Variants in LTBP1 observed in about 807,000 individuals in gnomAD.
LTBP1 encodes latent transforming growth factor beta binding protein 1.
In LTBP1, 129 loss-of-function variants were observed where a neutral mutation model predicts 207.6. The observed-to-expected ratio is 0.62, with a 90% CI of 0.54 to 0.72. The LOEUF is 0.72. Ranked by LOEUF, LTBP1 falls within the 30% of genes least tolerant of loss-of-function variation. The pLI, the probability that LTBP1 is intolerant of heterozygous loss-of-function variation, is 0.00. For missense variants in LTBP1, 2,281 were observed against 2,217.2 expected (o/e 1.03, Z -0.58); for synonymous variants, 963 against 833.7 (o/e 1.16, Z -2.67).
At chr2:33,153,937 A>C (rs1260450119) in intron 5 of LTBP1, among the ~76,000 whole-genome samples, 1 of 152,102 alleles carries the variant, frequency 6.6e-6, no homozygotes, top group African/African-American at 2.4e-5. Flanking sequence ...TTGGGGTTTT[A>C]TTCCCCCAGC....
At position 33,234,904 on chromosome 2, in the gene LTBP1, A is replaced by G. The variant is rs535487130; in HGVS notation, c.1877-8758A>G. Reference sequence around the variant, plus strand: ...CACATTATACAAAAATTAACTCAAGATGGATGAAAGACTTAAATGTAAGAC... The same window carrying G: ...CACATTATACAAAAATTAACTCAAGGTGGATGAAAGACTTAAATGTAAGAC... On this transcript the variant is annotated intron_variant, in intron 9 of 33. Coordinates refer to ENST00000404816, the MANE Select transcript of LTBP1 (RefSeq NM_206943.4). 4.0e-4 allele frequency among the ~76,000 whole-genome samples: 61 copies of G among 152,292 alleles called. No homozygotes were observed. In the East Asian group the frequency reaches 0.011, roughly 28 times the overall value.
At chr2:33,114,394 T>C (rs1020360495) in intron 4 of LTBP1, among the ~76,000 whole-genome samples, 2 of 152,148 alleles carry the variant, frequency 1.3e-5, no homozygotes, top group African/African-American at 2.4e-5. Flanking sequence ...GGTGGCTGGA[T>C]TTGGCTCATG....
chr2:33,303,848 G>T (rs1345908738), intron 22 of LTBP1, among the ~76,000 whole-genome samples: 2 of 152,148 alleles, frequency 1.3e-5, no homozygotes, highest in African/African-American at 4.8e-5. Flanking sequence ...ACCCGTACCG[G>T]TCCATGGCCC....
intron 32 of LTBP1, among the ~76,000 whole-genome samples, chr2:33,396,718 T>G (rs1330534993): frequency 6.6e-6 from 1 of 152,186 alleles, no homozygotes; most frequent in Non-Finnish European, 1.5e-5. Flanking sequence ...CTCACACTCT[T>G]ACGGACCTTC....
chr2:32,952,678 C>T (rs1677342948), intron 2 of LTBP1, among the ~76,000 whole-genome samples: 1 of 152,164 alleles, frequency 6.6e-6, no homozygotes, highest in African/African-American at 2.4e-5. Flanking sequence ...AACCTCCCCC[C>T]ATGCCCTGCA....
chr2:33,155,194 A>G (rs192429609), intron 5 of LTBP1, among the ~76,000 whole-genome samples: 3 of 152,240 alleles, frequency 2.0e-5, no homozygotes, highest in Admixed American at 1.3e-4. Context: ...ATCTCACTCA[A>G]GATTGGAACT....
intron 26 of LTBP1, among the ~76,000 whole-genome samples, chr2:33,350,628 T>C (rs2094768379): frequency 6.6e-6 from 1 of 152,252 alleles, no homozygotes; most frequent in South Asian, 2.1e-4. Context: ...TGTTTTTTAC[T>C]GCCTGGGCCT....
At chr2:33,328,359 G>A (rs1476066607) in intron 24 of LTBP1, among the ~76,000 whole-genome samples, 2 of 151,982 alleles carry the variant, frequency 1.3e-5, no homozygotes, top group Non-Finnish European at 1.5e-5. Context: ...TTGTAGATTC[G>A]TTCTGCCTGG....
At chr2:33,306,809 G>T (rs2094103988) in intron 22 of LTBP1, among the ~76,000 whole-genome samples, 1 of 152,118 alleles carries the variant, frequency 6.6e-6, no homozygotes. Flanking sequence ...CTGATTGTCA[G>T]TCGGGTGCAG....
chr2:33,094,222 A>C (rs183050310), intron 3 of LTBP1, among the ~76,000 whole-genome samples: 33 of 152,326 alleles, frequency 2.2e-4, no homozygotes, highest in African/African-American at 6.7e-4. Flanking sequence ...AAATTAGCCC[A>C]ATCATGCAAA....
At chr2:33,132,202 C>G (rs1030334103) in intron 4 of LTBP1, among the ~76,000 whole-genome samples, 4 of 152,130 alleles carry the variant, frequency 2.6e-5, no homozygotes, top group Admixed American at 2.0e-4. Flanking sequence ...ACAAAGTATC[C>G]TCAAGATATT....
intron 31 of LTBP1, among the ~76,000 whole-genome samples, chr2:33,374,030 T>C (rs947301310): frequency 5.3e-5 from 8 of 152,202 alleles, no homozygotes; most frequent in Non-Finnish European, 2.9e-5. Context: ...GCATGGCTCT[T>C]AGACGCTCCC....
rs890547662 is a variant in LTBP1 at position 33,315,331 on chromosome 2, C to T, written c.3730+62C>T. 62 of 1,594,896 alleles carry T rather than the reference C, an allele frequency of 3.9e-5. No homozygotes were observed. In the African/African-American group the frequency reaches 4.5e-4, roughly 12 times the overall value. ...TAAAAGAGAGAGGAGATTGCTTTCA[C>T]TTATACAAAGACTTGAAGACACTAA... On this transcript the variant is annotated intron_variant, in intron 24 of 33. Transcript: ENST00000404816.
rs373065968 is a variant in LTBP1 at position 33,120,312 on chromosome 2, A to T, written c.1033+9561A>T. Among the ~76,000 whole-genome samples, 601 of 152,288 alleles carry T rather than the reference A, an allele frequency of 3.9e-3. 3 individuals are homozygous for T. The highest frequency in any genetic ancestry group is 0.014 in the African/African-American group (562 of 41,576). On this transcript the variant is annotated intron_variant, in intron 4 of 33. Transcript: ENST00000404816. The stretch of plus-strand genomic sequence containing the variant: ...AGGTATTAAGCCCAGTACCGTAGTT[A>T]TCTTTTCTGCCCTTCTCCCTCCTTT...
intron 9 of LTBP1, among the ~76,000 whole-genome samples, chr2:33,227,576 A>C (rs2091512493): frequency 6.6e-6 from 1 of 152,068 alleles, no homozygotes; most frequent in African/African-American, 2.4e-5. Flanking sequence ...AACCACCATG[A>C]CAGTCTCCCA....
intron 3 of LTBP1, among the ~76,000 whole-genome samples, chr2:33,103,686 A>G (rs1358694825): frequency 6.6e-6 from 1 of 150,390 alleles, no homozygotes; most frequent in Non-Finnish European, 1.5e-5. Flanking sequence ...GCCATTCCCT[A>G]TGTGCATATT....
chr2:32,969,948 T>C (rs1204193503), intron 2 of LTBP1, among the ~76,000 whole-genome samples: 5 of 152,248 alleles, frequency 3.3e-5, no homozygotes, highest in Non-Finnish European at 7.3e-5. Flanking sequence ...TTTTTTGACT[T>C]TAACAATAGC....
At chr2:33,051,665 C>T (rs1270415784) in intron 3 of LTBP1, among the ~76,000 whole-genome samples, 1 of 152,134 alleles carries the variant, frequency 6.6e-6, no homozygotes, top group Non-Finnish European at 1.5e-5. Context: ...TCTTGGGTTC[C>T]CAGTGCTTGT....
intron 2 of LTBP1, among the ~76,000 whole-genome samples, chr2:32,981,539 C>T (rs1404360576): frequency 6.6e-6 from 1 of 152,152 alleles, no homozygotes; most frequent in Non-Finnish European, 1.5e-5. Context: ...ATGATGACTT[C>T]CAAGCTCCTT....
Sources: allele counts gnomAD v4.1 joint callset (sites outside exome capture counted in the v4.1 genomes callset), GRCh38; gene constraint gnomAD v4.1.1; transcripts MANE v1.5; gene names NCBI Gene and HGNC (gene_info 2026-07-23, HGNC 2026-07-21).